SPATA21: variants seen among roughly 807,000 people sequenced by gnomAD.
The protein encoded by SPATA21 is spermatogenesis associated 21.
A neutral mutation model predicts 54.8 loss-of-function variants in SPATA21; 47 were observed. That is an observed-to-expected ratio of 0.86 (90% CI 0.68 to 1.09). The LOEUF (loss-of-function observed/expected upper bound fraction) is 1.09, where lower values mean the gene tolerates loss of function less well. Among genes scored for constraint, SPATA21 ranks in the 50% least tolerant of loss-of-function variants. The pLI is 0.00. For synonymous variants in SPATA21, 245 were observed against 235.3 expected (o/e 1.04, Z -0.38); for missense variants, 599 against 596.4 (o/e 1.00, Z -0.05).
chr1:16,402,710 C>G (rs77501140), intron 10 of SPATA21, among the ~76,000 whole-genome samples: 51,371 of 151,772 alleles, frequency 0.34, 9,972 homozygotes, highest in East Asian at 0.67. Context: ...CACACACCAT[C>G]TTGCCCAGCA....
intron 3 of SPATA21, 32 bp from the exon 4 acceptor site, chr1:16,422,003 T>A (rs949165012): frequency 1.2e-6 from 2 of 1,614,172 alleles, no homozygotes; most frequent in Non-Finnish European, 8.5e-7. Flanking sequence ...GGGGCATTGC[T>A]TCCTGAGAGC....
In SPATA21 at chr1:16,428,031, C is replaced by T; in HGVS notation, c.34+3307G>A. On this transcript the variant is annotated intron_variant, in intron 3 of 12. Transcript: ENST00000335496. This position sits in a 1 kb window ranked among gnomAD's most constrained non-coding sequence, Gnocchi z 4.3. ...GAAACATGACCTGGACAGAGATATC[C>T]ATGGCAGTGGCTTGAGGGCTGGCAT... 4 of 1,539,500 alleles carry T rather than the reference C, an allele frequency of 2.6e-6. No homozygotes were observed. The highest frequency in any genetic ancestry group is 1.4e-5 in the African/African-American group (1 of 73,004).
intron 11 of SPATA21, chr1:16,400,442 C>G (rs1442600785): frequency 1.7e-6 from 2 of 1,163,358 alleles, no homozygotes; most frequent in African/African-American, 3.1e-5. Context: ...TTGCTAATCT[C>G]TACAGCTGTT....
rs774327654 is a variant in SPATA21 at position 16,409,619 on chromosome 1, A to G, written c.569T>C (p.Leu190Pro). Residue 190 changes from leucine (L) to proline (P), a missense_variant, in exon 6 of 13, where the codon CTG becomes CCG. Transcript: ENST00000335496. This position sits in a 1 kb window ranked among gnomAD's most constrained non-coding sequence, Gnocchi z 4.1. ...ELLHQSSERT[L>P]SYAKARQEPE... ...CTCCTACCGCGCCTTGGCGTAGCTC[A>G]GGGTTCTCTCGCTGCTCTGGTGCAA... The G allele has an allele frequency of 2.2e-5, 35 of 1,612,090 alleles. No homozygotes were observed. The highest frequency in any genetic ancestry group is 2.8e-5 in the Non-Finnish European group (33 of 1,179,826).
chr1:16,403,488 T>TC (rs1557643891), intron 10 of SPATA21, among the ~76,000 whole-genome samples: 8 of 105,978 alleles, frequency 7.5e-5, no homozygotes, highest in African/African-American at 2.2e-4. Flanking sequence ...TTTTTCTTTT[T>TC]TTTCTTTTTT....
chr1:16,429,897 G>A (rs1320862418), intron 3 of SPATA21, among the ~76,000 whole-genome samples: 1 of 149,354 alleles, frequency 6.7e-6, no homozygotes, highest in Non-Finnish European at 1.5e-5. Context: ...GGGCGCAGTG[G>A]CTCACGCCTG....
chr1:16,414,366 G>A (rs551503873), intron 5 of SPATA21, among the ~76,000 whole-genome samples: 1 of 151,904 alleles, frequency 6.6e-6, no homozygotes, highest in Non-Finnish European at 1.5e-5. Flanking sequence ...ACCGCACCCA[G>A]CCTAAACTGT....
At chr1:16,425,001 C>T (rs1474100659) in intron 3 of SPATA21, 1 of 330,468 alleles carries the variant, frequency 3.0e-6, no homozygotes, top group Non-Finnish European at 6.0e-6. Flanking sequence ...TCACTGCAAC[C>T]TCCACCTCCC....
chr1:16,427,868 G>A (rs1243598370), intron 3 of SPATA21: 2 of 1,547,724 alleles, frequency 1.3e-6, no homozygotes, highest in South Asian at 1.2e-5. Context: ...GCTCACCCTG[G>A]TCTTGCTGGA....
At chr1:16,402,446 A>T in intron 10 of SPATA21, among the ~76,000 whole-genome samples, 1 of 150,894 alleles carries the variant, frequency 6.6e-6, no homozygotes. Flanking sequence ...TATTTTCAGT[A>T]GAGACGAGGT....
chr1:16,418,602 C>T (rs1184836535), intron 5 of SPATA21, among the ~76,000 whole-genome samples: 1 of 151,196 alleles, frequency 6.6e-6, no homozygotes, highest in Admixed American at 6.6e-5. Flanking sequence ...GAGGCTTGCT[C>T]TGTTTCTCAG....
chr1:16,400,136 C>T (rs1222880945), intron 11 of SPATA21, among the ~76,000 whole-genome samples: 1 of 151,968 alleles, frequency 6.6e-6, no homozygotes, highest in East Asian at 1.9e-4. Context: ...AAGCGATTCT[C>T]CAGCCTCAGC....
downstream of SPATA21, chr1:16,398,579 T>C (rs946015502): frequency 6.0e-5 from 39 of 649,984 alleles, no homozygotes; most frequent in Middle Eastern, 8.5e-4. Context: ...AACCCTGCAC[T>C]CTGAGAGCCC....
chr1:16,421,846 C>T lies in SPATA21; in HGVS notation c.95+65G>A, dbSNP rs1367841772. 5 of 1,612,236 alleles carry T rather than the reference C, an allele frequency of 3.1e-6. No individual in the cohort carries two copies. Among genetic ancestry groups the T allele is most frequent in the Non-Finnish European group, 4.2e-6 (5 of 1,178,574 alleles). On this transcript the variant is annotated intron_variant, in intron 4 of 12. Coordinates refer to ENST00000335496, the MANE Select transcript of SPATA21 (RefSeq NM_198546.1). The surrounding 1 kb of genome is among the most constrained non-coding windows in gnomAD (Gnocchi z 5.2). ...GAGCAGTCTGGACTAGAATTCACCC[C>T]ACCTGAAACTCAGCAGAAGAGCATC...
intron 1 of SPATA21, among the ~76,000 whole-genome samples, chr1:16,436,160 G>C (rs1248574274): frequency 1.3e-5 from 2 of 152,138 alleles, no homozygotes; most frequent in South Asian, 4.1e-4. Context: ...GCCGAGGCGG[G>C]CAGATCACCT....
At chr1:16,401,801 G>A (rs894961193) in intron 10 of SPATA21, among the ~76,000 whole-genome samples, 1 of 152,030 alleles carries the variant, frequency 6.6e-6, no homozygotes, top group Non-Finnish European at 1.5e-5. Context: ...ATTATAGCCC[G>A]CAACCCACTT....
intron 7 of SPATA21, chr1:16,408,380 T>C (rs2085715123): frequency 2.6e-6 from 2 of 767,964 alleles, no homozygotes; most frequent in South Asian, 1.2e-4. Flanking sequence ...CCTTGTTTAA[T>C]GGTGAGGGAC....
rs2086382577 is a variant in SPATA21 at position 16,428,706 on chromosome 1, G to T, written c.34+2632C>A. 1.3e-5 allele frequency among the ~76,000 whole-genome samples: 2 copies of T among 152,052 alleles called. No individual in the cohort carries two copies. ...TGGGTTTTGATCACTATCATGGTCT[G>T]TCACTCTCCAACTGGGTGACCTGGA... On this transcript the variant is annotated intron_variant, in intron 3 of 12. Coordinates refer to ENST00000335496, the MANE Select transcript of SPATA21 (RefSeq NM_198546.1). The surrounding 1 kb of genome is among the most constrained non-coding windows in gnomAD (Gnocchi z 4.3).
Position 16,409,097 on chromosome 1 carries a change from C to G in SPATA21, c.673+21G>C. ...AAGGGTCCTGCCTGTGCTGGGACCT[C>G]CCTGACCTCCCTGCCCTCACCTTCC... On this transcript the variant is annotated intron_variant, in intron 7 of 12. Coordinates refer to ENST00000335496, the MANE Select transcript of SPATA21 (RefSeq NM_198546.1). The surrounding 1 kb of genome is among the most constrained non-coding windows in gnomAD (Gnocchi z 4.1). The G allele has an allele frequency of 1.2e-6, 2 of 1,613,790 alleles. No individual in the cohort carries two copies. Among genetic ancestry groups the G allele is most frequent in the Non-Finnish European group, 8.5e-7 (1 of 1,179,730 alleles).
Sources: allele counts gnomAD v4.1 joint callset (sites outside exome capture counted in the v4.1 genomes callset), GRCh38; gene constraint gnomAD v4.1.1; non-coding constraint Gnocchi (gnomAD v3.1); transcripts MANE v1.5; gene names NCBI Gene and HGNC (gene_info 2026-07-23, HGNC 2026-07-21).